The following MRPS28 variants were observed in gnomAD, a reference collection of about 807,000 sequenced individuals.
The protein encoded by MRPS28 is small ribosomal subunit protein bS1m.
In MRPS28, 7 loss-of-function variants were observed where a neutral mutation model predicts 10.8. The ratio of observed to expected loss-of-function variants is 0.65; its 90% CI spans 0.37 to 1.22. The LOEUF is 1.22. MRPS28 is among the 50% of genes most tolerant of loss of function. The probability of loss-of-function intolerance (pLI) is 0.02; values close to 1 mark genes in which losing one functional copy is unlikely to be tolerated. For synonymous variants in MRPS28, 121 were observed against 93.3 expected, an observed-to-expected ratio of 1.30 and a Z score of -1.71; for missense variants, 265 against 232.9, an observed-to-expected ratio of 1.14 and a Z score of -0.90.
Position 80,003,431 on chromosome 8 carries a change from C to T in MRPS28, c.214-251G>A, listed in dbSNP as rs536485986. Among the ~76,000 whole-genome samples the T allele has an allele frequency of 2.4e-4, 37 of 152,174 alleles. No homozygotes were observed. In the East Asian group the frequency reaches 6.6e-3, roughly 27 times the overall value. ...CTGTTATCCCAGCACTTTGGGAGGC[C>T]GAGGCAGGTGGATCACCTGAAGTCG... is the stretch of plus-strand genomic sequence containing the variant. On this transcript the variant is annotated intron_variant, in intron 1 of 2. Transcript: ENST00000276585.
intron 2 of MRPS28, among the ~76,000 whole-genome samples, chr8:79,992,177 G>A (rs1055583371): frequency 2.0e-5 from 3 of 152,140 alleles, no homozygotes; most frequent in African/African-American, 7.2e-5. Context: ...CTTCATGTGA[G>A]ACCTTGAGCC....
intron 2 of MRPS28, among the ~76,000 whole-genome samples, chr8:79,971,964 TGC>T (rs1807646776): frequency 1.3e-5 from 2 of 152,168 alleles, no homozygotes; most frequent in Non-Finnish European, 2.9e-5. Flanking sequence ...CCTCCCAAAG[TGC>T]TGGGATTACC....
At chr8:79,961,133 C>A (rs575630747) in intron 2 of MRPS28, among the ~76,000 whole-genome samples, 6 of 152,152 alleles carry the variant, frequency 3.9e-5, no homozygotes, top group African/African-American at 1.4e-4. Context: ...GCAAGTGAAG[C>A]TGAACGATGA....
chr8:79,989,136 C>T (rs1029679484), intron 2 of MRPS28, among the ~76,000 whole-genome samples: 5 of 152,018 alleles, frequency 3.3e-5, no homozygotes, highest in African/African-American at 1.2e-4. Flanking sequence ...GTGGGCTGAA[C>T]TGATGAATGA....
chr8:79,994,320 G>A (rs184008829), intron 2 of MRPS28, among the ~76,000 whole-genome samples: 6 of 152,032 alleles, frequency 3.9e-5, no homozygotes, highest in East Asian at 3.9e-4. Context: ...AACACTAATC[G>A]CAAGTATTAT....
At chr8:79,986,603 A>G (rs1179648929) in intron 2 of MRPS28, among the ~76,000 whole-genome samples, 1 of 152,180 alleles carries the variant, frequency 6.6e-6, no homozygotes, top group Non-Finnish European at 1.5e-5. Flanking sequence ...CAATGTGCAA[A>G]AATCACAAGC....
At chr8:79,986,785 C>G (rs1489912253) in intron 2 of MRPS28, among the ~76,000 whole-genome samples, 1 of 151,982 alleles carries the variant, frequency 6.6e-6, no homozygotes. Context: ...AGGATACAAA[C>G]AAATGGAAGA....
intron 2 of MRPS28, among the ~76,000 whole-genome samples, chr8:79,960,661 A>G (rs1807352280): frequency 6.6e-6 from 1 of 152,132 alleles, no homozygotes; most frequent in South Asian, 2.1e-4. Flanking sequence ...TAGGATTTAA[A>G]GAAAAGTGCA....
rs181266675 is a variant in MRPS28 at position 80,009,540 on chromosome 8, C to T, written c.214-6360G>A. Among the ~76,000 whole-genome samples, 11 of 152,010 alleles carry T rather than the reference C, an allele frequency of 7.2e-5. 1 individual carries two copies. In the East Asian group the frequency reaches 1.5e-3, roughly 21 times the overall value. On this transcript the variant is annotated intron_variant, in intron 1 of 2. Coordinates refer to ENST00000276585, the MANE Select transcript of MRPS28 (RefSeq NM_014018.3). ...CCGAGGAAGGAGAATCACTTGAACTCAGGAGGCAGAGGTTACGGTGAGCCG... is the reference window on the plus strand; with the variant it reads ...CCGAGGAAGGAGAATCACTTGAACTTAGGAGGCAGAGGTTACGGTGAGCCG...
intron 2 of MRPS28, among the ~76,000 whole-genome samples, chr8:79,986,899 T>C (rs1018915813): frequency 2.6e-5 from 4 of 152,174 alleles, no homozygotes; most frequent in African/African-American, 9.7e-5. Flanking sequence ...TACCGATGAC[T>C]TTCTTCACAG....
intron 2 of MRPS28, among the ~76,000 whole-genome samples, chr8:79,930,884 T>C (rs1806445432): frequency 6.6e-6 from 1 of 152,216 alleles, no homozygotes; most frequent in Admixed American, 6.5e-5. Context: ...CACTTCAGAA[T>C]TTCTGAATAA....
intron 2 of MRPS28, among the ~76,000 whole-genome samples, chr8:79,930,744 T>C (rs1806440827): frequency 6.6e-6 from 1 of 152,236 alleles, no homozygotes; most frequent in South Asian, 2.1e-4. Flanking sequence ...TTGCTTCTAA[T>C]CTGAGAAAAG....
intron 2 of MRPS28, among the ~76,000 whole-genome samples, chr8:79,999,114 T>C (rs1430102806): frequency 6.6e-6 from 1 of 152,224 alleles, no homozygotes; most frequent in African/African-American, 2.4e-5. Context: ...ATATTTCTCT[T>C]ATTTATAACA....
chr8:79,924,387 T>G (rs956626185), intron 2 of MRPS28, among the ~76,000 whole-genome samples: 1 of 152,182 alleles, frequency 6.6e-6, no homozygotes, highest in African/African-American at 2.4e-5. Context: ...ATACAAATGC[T>G]CACAGTCATA....
At chr8:79,975,797 C>G (rs1807780867) in intron 2 of MRPS28, among the ~76,000 whole-genome samples, 1 of 151,946 alleles carries the variant, frequency 6.6e-6, no homozygotes, top group South Asian at 2.1e-4. Flanking sequence ...GTACAACCAA[C>G]CTATCCAGTT....
At chr8:79,928,149 C>A (rs1315416396) in intron 2 of MRPS28, among the ~76,000 whole-genome samples, 1 of 151,650 alleles carries the variant, frequency 6.6e-6, no homozygotes, top group African/African-American at 2.4e-5. Context: ...CACAGCGAGC[C>A]CTTTTCTCTA....
chr8:79,920,164 C>G (rs1414088581), intron 2 of MRPS28, among the ~76,000 whole-genome samples: 1 of 152,178 alleles, frequency 6.6e-6, no homozygotes, highest in South Asian at 2.1e-4. Flanking sequence ...TGTATATGTG[C>G]CACATTTTCT....
At chr8:79,999,071 G>A (rs1808585995) in intron 2 of MRPS28, among the ~76,000 whole-genome samples, 1 of 152,054 alleles carries the variant, frequency 6.6e-6, no homozygotes, top group East Asian at 1.9e-4. Context: ...CAAAAAAAAG[G>A]GCAGGCTGAT....
rs553661627 is a variant in MRPS28, at chr8:79,958,935, G to A, written c.396-39787C>T. 7.2e-5 allele frequency among the ~76,000 whole-genome samples: 11 copies of A among 152,100 alleles called. No homozygotes were observed. In the East Asian group the frequency reaches 1.9e-3, roughly 27 times the overall value. On this transcript the variant is annotated intron_variant, in intron 2 of 2. Coordinates refer to ENST00000276585, the MANE Select transcript of MRPS28 (RefSeq NM_014018.3). Reference sequence around the variant, plus strand: ...CAACACTGCCTTAAAGATAGACATGGGGTTACAATCTAGTTTTGGAGACTA... The same window carrying A: ...CAACACTGCCTTAAAGATAGACATGAGGTTACAATCTAGTTTTGGAGACTA...
Sources: gnomAD v4.1 joint callset for allele counts (sites outside exome capture counted in the v4.1 genomes callset) on GRCh38, gnomAD v4.1.1 for gene constraint, MANE v1.5 for transcripts, NCBI Gene and HGNC (gene_info 2026-07-23, HGNC 2026-07-21) for gene names.